SCAPER: variants seen among roughly 807,000 people sequenced by gnomAD.
SCAPER encodes the protein S-phase cyclin A associated protein in the ER.
A neutral mutation model predicts 182.2 loss-of-function variants in SCAPER; 98 were observed. The ratio of observed to expected loss-of-function variants is 0.54; its 90% CI spans 0.46 to 0.64. The LOEUF (loss-of-function observed/expected upper bound fraction) is 0.64. Among genes scored for constraint, SCAPER ranks in the 30% least tolerant of loss-of-function variants. The pLI is 0.00. For synonymous variants in SCAPER, 605 were observed against 564.6 expected (o/e 1.07, Z -1.01); for missense variants, 1,432 against 1,690.0 (o/e 0.85, Z 2.68).
At chr15:76,491,273 C>G (rs1022156027) in intron 24 of SCAPER, among the ~76,000 whole-genome samples, 4 of 152,150 alleles carry the variant, frequency 2.6e-5, no homozygotes, top group African/African-American at 9.7e-5. Context: ...TTTTCATTCT[C>G]AAGATTGCTG....
At chr15:76,648,074 T>G (rs960647396) in intron 21 of SCAPER, among the ~76,000 whole-genome samples, 2 of 151,510 alleles carry the variant, frequency 1.3e-5, no homozygotes, top group East Asian at 3.9e-4. Context: ...AATAACAAAA[T>G]TACTAAGCAT....
At chr15:76,743,581 T>C (rs886548049) in intron 15 of SCAPER, among the ~76,000 whole-genome samples, 5 of 151,274 alleles carry the variant, frequency 3.3e-5, no homozygotes, top group African/African-American at 1.2e-4. Context: ...CCTAGGAAAA[T>C]ACAGCTAACC....
At chr15:76,800,478 A>G (rs2065694853) in intron 6 of SCAPER, 114 bp from the exon 7 acceptor site, 2 of 709,416 alleles carry the variant, frequency 2.8e-6, no homozygotes, top group African/African-American at 1.8e-5. Flanking sequence ...CAACAACAAC[A>G]ACAAAAAGTC....
chr15:76,641,736 C>A (rs1466948959), intron 21 of SCAPER, among the ~76,000 whole-genome samples: 1 of 152,074 alleles, frequency 6.6e-6, no homozygotes, highest in African/African-American at 2.4e-5. Flanking sequence ...CAGCATAAAA[C>A]AAAATTTGCA....
At chr15:76,450,710 C>T (rs777874650) in intron 25 of SCAPER, among the ~76,000 whole-genome samples, 11 of 152,062 alleles carry the variant, frequency 7.2e-5, no homozygotes, top group Non-Finnish European at 1.6e-4. Context: ...TGTGCCACCA[C>T]GCCTGGCTAA....
At chr15:76,444,926 A>C (rs891090404) in intron 25 of SCAPER, among the ~76,000 whole-genome samples, 1 of 152,130 alleles carries the variant, frequency 6.6e-6, no homozygotes, top group African/African-American at 2.4e-5. Flanking sequence ...TGACTTTTAA[A>C]ATTTTGGATT....
chr15:76,425,995 C>T lies in SCAPER; in HGVS notation c.3311+8083G>A, dbSNP rs141145189. Among the ~76,000 whole-genome samples the T allele has an allele frequency of 3.9e-3, 594 of 152,296 alleles. 7 individuals are homozygous for T. Among genetic ancestry groups the T allele is most frequent in the African/African-American group, 0.013 (552 of 41,558 alleles). On this transcript the variant is annotated intron_variant, in intron 26 of 31. Transcript: ENST00000563290. ...GGAAGCTTCGTCTCAGAGAGGTACC[C>T]GGCTGTGTGAGGTGTCAGTCTGCCC... is the stretch of plus-strand genomic sequence containing the variant.
intron 15 of SCAPER, among the ~76,000 whole-genome samples, chr15:76,744,842 T>C (rs368123187): frequency 3.9e-5 from 6 of 152,146 alleles, no homozygotes; most frequent in Non-Finnish European, 7.4e-5. Flanking sequence ...CATATGTTCA[T>C]TGCCATGCTA....
chr15:76,649,709 A>C (rs116835786), intron 21 of SCAPER, among the ~76,000 whole-genome samples: 242 of 151,420 alleles, frequency 1.6e-3, no homozygotes, highest in Non-Finnish European at 2.7e-3. Context: ...CATTAAAAAA[A>C]CACAATAACA....
At chr15:76,502,411 T>C (rs2041207921) in intron 24 of SCAPER, among the ~76,000 whole-genome samples, 1 of 152,198 alleles carries the variant, frequency 6.6e-6, no homozygotes, top group Non-Finnish European at 1.5e-5. Flanking sequence ...GATGAGTTCA[T>C]GTCCTTTGTA....
intron 2 of SCAPER, among the ~76,000 whole-genome samples, chr15:76,883,261 T>C (rs549559401): frequency 6.6e-6 from 1 of 152,144 alleles, no homozygotes; most frequent in South Asian, 2.1e-4. Context: ...CTGGACTCCA[T>C]GTATACCTCC....
intron 26 of SCAPER, among the ~76,000 whole-genome samples, chr15:76,417,326 G>T (rs2045722773): frequency 6.6e-6 from 1 of 152,190 alleles, no homozygotes; most frequent in East Asian, 1.9e-4. Context: ...TATTTTAAAA[G>T]GTGGTGGCAG....
chr15:76,610,316 C>T (rs2050862716), intron 22 of SCAPER, among the ~76,000 whole-genome samples: 1 of 152,172 alleles, frequency 6.6e-6, no homozygotes, highest in South Asian at 2.1e-4. Flanking sequence ...ATGACTATCA[C>T]ACAAGTCCAC....
At chr15:76,437,849 C>G (rs1237164575) in intron 25 of SCAPER, among the ~76,000 whole-genome samples, 1 of 152,082 alleles carries the variant, frequency 6.6e-6, no homozygotes, top group Non-Finnish European at 1.5e-5. Flanking sequence ...CATTTGAGTA[C>G]CTAACACATA....
At chr15:76,781,215 C>G (rs930076294) in intron 8 of SCAPER, among the ~76,000 whole-genome samples, 1 of 152,140 alleles carries the variant, frequency 6.6e-6, no homozygotes, top group African/African-American at 2.4e-5. Flanking sequence ...GAACTGAAAA[C>G]CGTGGCAAGA....
intron 20 of SCAPER, among the ~76,000 whole-genome samples, chr15:76,675,041 G>A (rs1224360165): frequency 6.6e-6 from 1 of 152,148 alleles, no homozygotes; most frequent in African/African-American, 2.4e-5. Context: ...TAGTACTTAT[G>A]GAGAGCGGAT....
intron 25 of SCAPER, among the ~76,000 whole-genome samples, chr15:76,448,228 T>C (rs1596674991): frequency 6.6e-6 from 1 of 152,184 alleles, no homozygotes; most frequent in Non-Finnish European, 1.5e-5. Flanking sequence ...AAATGACTCA[T>C]CACAATATGT....
At chr15:76,539,971 A>G (rs2044586655) in intron 23 of SCAPER, among the ~76,000 whole-genome samples, 1 of 152,226 alleles carries the variant, frequency 6.6e-6, no homozygotes, top group Non-Finnish European at 1.5e-5. Context: ...AAACAATTCA[A>G]ACAAATGTCA....
At chr15:76,361,475 C>T (rs940436318) in intron 29 of SCAPER, among the ~76,000 whole-genome samples, 9 of 152,172 alleles carry the variant, frequency 5.9e-5, no homozygotes, top group Admixed American at 5.2e-4. Context: ...AGAAAGTCTT[C>T]CAAGCTCCAA....
Sources: gnomAD v4.1 joint callset for allele counts (sites outside exome capture counted in the v4.1 genomes callset) on GRCh38, gnomAD v4.1.1 for gene constraint, MANE v1.5 for transcripts, NCBI Gene and HGNC (gene_info 2026-07-23, HGNC 2026-07-21) for gene names.